Variants in ESRRB observed in about 807,000 individuals in gnomAD.
ESRRB encodes the protein steroid hormone receptor ERR2.
ESRRB carries 16 observed loss-of-function variants against 46.0 expected under a neutral mutation model. The observed-to-expected ratio is 0.35, with a 90% CI of 0.24 to 0.53. The LOEUF is 0.53. Among genes scored for constraint, ESRRB ranks in the 20% least tolerant of loss-of-function variants. ESRRB has a pLI of 0.93. For synonymous variants in ESRRB, 246 were observed against 259.6 expected, an observed-to-expected ratio of 0.95 and a Z score of 0.50; for missense variants, 488 against 607.4, an observed-to-expected ratio of 0.80 and a Z score of 2.07.
intron 1 of ESRRB, among the ~76,000 whole-genome samples, chr14:76,390,010 C>A (rs183688402): frequency 6.6e-6 from 1 of 152,264 alleles, no homozygotes; most frequent in East Asian, 1.9e-4. Flanking sequence ...ATTTACACCA[C>A]GGAAATTGGC....
chr14:76,501,599 C>A lies in ESRRB; in HGVS notation c.*3141C>A, dbSNP rs541648004. 2.6e-5 allele frequency: 4 copies of A among 152,166 alleles called. No individual in the cohort carries two copies. In the South Asian group the frequency reaches 8.3e-4, roughly 32 times the overall value. 9.4% of individuals were successfully genotyped at this position (152,166 alleles called of 1,614,324 possible). Reference sequence around the variant, plus strand: ...CAGAGTCCATGCTCACGGAACAGCACCAAAGAAAAGCACTATGTGGAAAGA... The same window carrying A: ...CAGAGTCCATGCTCACGGAACAGCAACAAAGAAAAGCACTATGTGGAAAGA... On this transcript the variant is annotated 3_prime_UTR_variant, in exon 7 of 7. Coordinates refer to ENST00000644823, the MANE Select transcript of ESRRB (RefSeq NM_001379180.1).
intron 3 of ESRRB, among the ~76,000 whole-genome samples, chr14:76,471,955 A>G (rs1380175428): frequency 2.0e-5 from 3 of 152,170 alleles, no homozygotes; most frequent in African/African-American, 7.2e-5. Context: ...CAGACTAAGA[A>G]ATGGAAGGCA....
chr14:76,399,116 G>T (rs981456504), intron 1 of ESRRB, among the ~76,000 whole-genome samples: 1 of 152,176 alleles, frequency 6.6e-6, no homozygotes, highest in African/African-American at 2.4e-5. Context: ...CCAAACAGCA[G>T]ATGTGGATGG....
intron 1 of ESRRB, among the ~76,000 whole-genome samples, chr14:76,355,070 T>C (rs536897330): frequency 8.5e-4 from 129 of 152,254 alleles, no homozygotes; most frequent in African/African-American, 2.9e-3. Context: ...GTGTTTGTTT[T>C]ATTCTCTAGG....
chr14:76,387,265 G>T (rs1040433022), intron 1 of ESRRB, among the ~76,000 whole-genome samples: 1 of 152,192 alleles, frequency 6.6e-6, no homozygotes, highest in African/African-American at 2.4e-5. Flanking sequence ...CAGCACAGTC[G>T]CACAGCCTTG....
intron 1 of ESRRB, among the ~76,000 whole-genome samples, chr14:76,403,985 C>T (rs1423053475): frequency 6.6e-6 from 1 of 152,208 alleles, no homozygotes; most frequent in East Asian, 1.9e-4. Flanking sequence ...TCCCAAAGTG[C>T]TGGGATTACA....
chr14:76,352,502 CT>C (rs2022994559), intron 1 of ESRRB, among the ~76,000 whole-genome samples: 2 of 152,178 alleles, frequency 1.3e-5, no homozygotes, highest in African/African-American at 4.8e-5. Flanking sequence ...ACCTGGGAGA[CT>C]AGATTACTAG....
Position 76,499,805 on chromosome 14 carries a change from G to T in ESRRB, c.*1347G>T, listed in dbSNP as rs1321574612. 6 of 1,421,518 alleles carry T rather than the reference G, an allele frequency of 4.2e-6. No individual in the cohort carries two copies. The highest frequency in any genetic ancestry group is 6.0e-6 in the Non-Finnish European group (6 of 1,004,534). 88.1% of individuals were successfully genotyped at this position (1,421,518 alleles called of 1,614,324 possible). Reference sequence around the variant, plus strand: ...GTGGGTCACTCTATTTCTGTGGATGGCCGTGAAAGTTTTCACTAACTCAAG... The same window carrying T: ...GTGGGTCACTCTATTTCTGTGGATGTCCGTGAAAGTTTTCACTAACTCAAG... On this transcript the variant is annotated 3_prime_UTR_variant, in exon 7 of 7. Transcript: ENST00000644823.
intron 2 of ESRRB, among the ~76,000 whole-genome samples, chr14:76,443,458 C>CAA (rs1888003324): frequency 1.3e-5 from 2 of 151,864 alleles, no homozygotes; most frequent in Non-Finnish European, 2.9e-5. Context: ...GAATGAGAAC[C>CAA]TCCAGTATGA....
intron 1 of ESRRB, among the ~76,000 whole-genome samples, chr14:76,315,269 C>G (rs1340267542): frequency 3.2e-5 from 2 of 61,774 alleles, no homozygotes; most frequent in Admixed American, 4.1e-4. Flanking sequence ...CATTCACCCC[C>G]TGTGCTATGC....
intron 3 of ESRRB, among the ~76,000 whole-genome samples, chr14:76,479,243 A>ACGCG: frequency 6.6e-6 from 1 of 151,168 alleles, no homozygotes; most frequent in South Asian, 2.1e-4. Context: ...GTACGTGTGC[A>ACGCG]TGCGTGCGTG....
Position 76,376,976 on chromosome 14 carries a change from T to C in ESRRB, c.50+525T>C, listed in dbSNP as rs1884793369. On this transcript the variant is annotated intron_variant, in intron 1 of 6. Transcript: ENST00000644823. The surrounding 1 kb of genome is among the most constrained non-coding windows in gnomAD (Gnocchi z 4.1). ...GCAGGCGGCCAGTGCCGCTCTCGCC[T>C]CGCGGTCTCCGTGGGGCGCCCCGAG... Among the ~76,000 whole-genome samples the C allele has an allele frequency of 6.6e-6, 1 of 152,152 alleles. No individual in the cohort carries two copies. Among genetic ancestry groups the C allele is most frequent in the Non-Finnish European group, 1.5e-5 (1 of 68,024 alleles).
At chr14:76,470,946 G>A (rs1436087997) in intron 3 of ESRRB, among the ~76,000 whole-genome samples, 1 of 152,168 alleles carries the variant, frequency 6.6e-6, no homozygotes, top group African/African-American at 2.4e-5. Flanking sequence ...TCCTGCTTCA[G>A]CCTCCCAAAT....
chr14:76,454,762 C>G (rs74068660), intron 2 of ESRRB, among the ~76,000 whole-genome samples: 8,326 of 152,212 alleles, frequency 0.055, 725 homozygotes, highest in African/African-American at 0.19. Context: ...TTGTTCTCTG[C>G]TCTGGGTGGC....
chr14:76,387,420 G>A (rs763528177), intron 1 of ESRRB, among the ~76,000 whole-genome samples: 4 of 152,228 alleles, frequency 2.6e-5, no homozygotes, highest in Non-Finnish European at 5.9e-5. Context: ...TTGGTGGGGT[G>A]TATGGAGAAT....
chr14:76,315,065 C>T (rs1883783369), intron 1 of ESRRB, among the ~76,000 whole-genome samples: 1 of 152,038 alleles, frequency 6.6e-6, no homozygotes, highest in South Asian at 2.1e-4. Context: ...CTACAGCATC[C>T]CCTGGCTTTT....
At chr14:76,473,186 TC>T (rs1418716891) in intron 3 of ESRRB, among the ~76,000 whole-genome samples, 4 of 152,220 alleles carry the variant, frequency 2.6e-5, no homozygotes, top group African/African-American at 9.6e-5. Context: ...GAGCTTCAGA[TC>T]TTGCATGGAA....
intron 1 of ESRRB, among the ~76,000 whole-genome samples, chr14:76,352,610 C>T (rs1428669851): frequency 6.6e-6 from 1 of 152,222 alleles, no homozygotes; most frequent in Non-Finnish European, 1.5e-5. Flanking sequence ...GGTGTGGGAC[C>T]TCTGGCGCAG....
At position 76,498,628 on chromosome 14, in the gene ESRRB, T is replaced by C. The variant is rs1228507001; in HGVS notation, c.*170T>C. On this transcript the variant is annotated 3_prime_UTR_variant, in exon 7 of 7. Coordinates refer to ENST00000644823, the MANE Select transcript of ESRRB (RefSeq NM_001379180.1). Reference sequence around the variant, plus strand: ...GCTGTGTGCAGACTCCCGGGTGCAGTGGGGTGGGGGACGGGGATGGGGGGG... The same window carrying C: ...GCTGTGTGCAGACTCCCGGGTGCAGCGGGGTGGGGGACGGGGATGGGGGGG... 3 of 503,538 alleles carry C rather than the reference T, an allele frequency of 6.0e-6. No individual in the cohort carries two copies. The highest frequency in any genetic ancestry group is 8.2e-6 in the Non-Finnish European group (3 of 364,940). The allele number at this position is 503,538 out of a possible 1,614,324, so 31.2% of individuals were successfully genotyped here.
Sources: allele counts gnomAD v4.1 joint callset (sites outside exome capture counted in the v4.1 genomes callset), GRCh38; gene constraint gnomAD v4.1.1; non-coding constraint Gnocchi (gnomAD v3.1); transcripts MANE v1.5; gene names NCBI Gene and HGNC (gene_info 2026-07-23, HGNC 2026-07-21).